Variants in PAQR5 observed in about 807,000 individuals in gnomAD.
The protein encoded by PAQR5 is progestin and adipoQ receptor family member 5.
In PAQR5, 20 loss-of-function variants were observed where a neutral mutation model predicts 34.5. The observed-to-expected ratio is 0.58, with a 90% CI of 0.41 to 0.84. The LOEUF is 0.84. PAQR5 is among the 40% of genes least tolerant of loss of function. PAQR5 has a pLI of 0.00. For synonymous variants in PAQR5, 131 were observed against 155.6 expected (o/e 0.84, Z 1.18); for missense variants, 378 against 412.7 (o/e 0.92, Z 0.73).
chr15:69,340,288 T>C (rs1040546503), intron 2 of PAQR5, among the ~76,000 whole-genome samples: 3 of 152,202 alleles, frequency 2.0e-5, no homozygotes, highest in Non-Finnish European at 2.9e-5. Context: ...TATAAACATA[T>C]GTAACAAACA....
intron 6 of PAQR5, among the ~76,000 whole-genome samples, chr15:69,394,215 A>G (rs1307638708): frequency 1.3e-3 from 3 of 2,234 alleles, no homozygotes; most frequent in African/African-American, 1.5e-3. Flanking sequence ...TGCTCTAAGG[A>G]CAGCTTAGAG....
At chr15:69,336,688 T>C (rs1450733938) in intron 1 of PAQR5, among the ~76,000 whole-genome samples, 13 of 152,224 alleles carry the variant, frequency 8.5e-5, no homozygotes, top group Admixed American at 8.5e-4. Flanking sequence ...TTCTGCTTAA[T>C]AACTCTGGAG....
intron 1 of PAQR5, among the ~76,000 whole-genome samples, chr15:69,308,594 C>T (rs1356588103): frequency 6.6e-6 from 1 of 152,070 alleles, no homozygotes; most frequent in Non-Finnish European, 1.5e-5. Flanking sequence ...CCAAACATTG[C>T]CAAATGTCCA....
intron 2 of PAQR5, among the ~76,000 whole-genome samples, chr15:69,343,353 T>G (rs1367206190): frequency 6.6e-6 from 1 of 152,242 alleles, no homozygotes; most frequent in Non-Finnish European, 1.5e-5. Context: ...CAGGTAACCC[T>G]GGACTTTCCC....
In PAQR5 at chr15:69,338,515, A is replaced by G. The variant is rs569073337; in HGVS notation, c.-116+1014A>G. ...GCCTTGGAAGCCAAGCCAGGCCTGCATGAGTACACTCAGACAGTTAGAAAG... is the reference window on the plus strand; with the variant it reads ...GCCTTGGAAGCCAAGCCAGGCCTGCGTGAGTACACTCAGACAGTTAGAAAG... On this transcript the variant is annotated intron_variant, in intron 2 of 8. Transcript: ENST00000395407. Among the ~76,000 whole-genome samples, 70 of 152,330 alleles carry G rather than the reference A, an allele frequency of 4.6e-4. No homozygotes were observed. In the South Asian group the frequency reaches 0.01, roughly 22 times the overall value.
At chr15:69,300,023 T>C (rs1440570810) in intron 1 of PAQR5, among the ~76,000 whole-genome samples, 4 of 152,224 alleles carry the variant, frequency 2.6e-5, no homozygotes, top group African/African-American at 9.6e-5. Flanking sequence ...CTGGAGAAAC[T>C]GGTGGGCTTT....
chr15:69,323,288 C>T (rs2054170695), intron 1 of PAQR5, among the ~76,000 whole-genome samples: 1 of 152,260 alleles, frequency 6.6e-6, no homozygotes, highest in South Asian at 2.1e-4. Flanking sequence ...CAGATGGCCT[C>T]TGCCATGCTC....
intron 7 of PAQR5, among the ~76,000 whole-genome samples, chr15:69,398,885 G>GA (rs2140257545): frequency 6.6e-6 from 1 of 152,330 alleles, no homozygotes; most frequent in South Asian, 2.1e-4. Context: ...GTTGATGCTG[G>GA]AATCAGCCTG....
chr15:69,380,030 A>C lies in PAQR5; in HGVS notation c.179+20A>C. 6.2e-7 allele frequency: 1 copy of C among 1,613,248 alleles called. No homozygotes were observed. Among genetic ancestry groups the C allele is most frequent in the Non-Finnish European group, 8.5e-7 (1 of 1,179,516 alleles). ...CTTCTGGTACCTTCTGGCCCCCTCG[A>C]CCGGCCTGTCTCCTTCAGGAGCCCT... On this transcript the variant is annotated intron_variant, in intron 4 of 8. Coordinates refer to ENST00000395407, the MANE Select transcript of PAQR5 (RefSeq NM_017705.4).
intron 5 of PAQR5, among the ~76,000 whole-genome samples, chr15:69,388,856 G>A (rs887656433): frequency 2.0e-5 from 3 of 152,220 alleles, no homozygotes; most frequent in African/African-American, 7.2e-5. Context: ...ATGGCCATCA[G>A]GCCTTGGGCT....
chr15:69,304,045 A>C (rs1349355029), intron 1 of PAQR5, among the ~76,000 whole-genome samples: 1 of 152,234 alleles, frequency 6.6e-6, no homozygotes, highest in Non-Finnish European at 1.5e-5. Context: ...TGGAAAAATT[A>C]GGGAGGAAGG....
At chr15:69,353,862 G>A (rs2054989594) in intron 2 of PAQR5, among the ~76,000 whole-genome samples, 1 of 152,190 alleles carries the variant, frequency 6.6e-6, no homozygotes, top group Admixed American at 6.5e-5. Context: ...ATTCCACTGA[G>A]CTGGAAGTTA....
intron 2 of PAQR5, among the ~76,000 whole-genome samples, chr15:69,346,197 T>C (rs2054764096): frequency 6.6e-6 from 1 of 151,774 alleles, no homozygotes; most frequent in African/African-American, 2.4e-5. Flanking sequence ...AAAAGACCAG[T>C]GAGTTCATTT....
In PAQR5 at chr15:69,322,811, G is replaced by GAAGAAGAA. The variant is rs1566998179; in HGVS notation, c.-276-14530_-276-14529insAAGAAGAA. ...ACGAGGAAGAAGAAGAAGAGGAAGA[G>GAAGAAGAA]GAAGAAGAAGAAGAAGAAGAAGAAG... On this transcript the variant is annotated intron_variant, in intron 1 of 8. Coordinates refer to ENST00000395407, the MANE Select transcript of PAQR5 (RefSeq NM_017705.4). Among the ~76,000 whole-genome samples, 2 of 25,332 alleles carry GAAGAAGAA rather than the reference G, an allele frequency of 7.9e-5. 1 individual carries two copies. The highest frequency in any genetic ancestry group is 1.9e-4 in the African/African-American group (2 of 10,794). 16.6% of individuals were successfully genotyped at this position (25,332 alleles called of 152,430 possible).
chr15:69,395,762 G>A (rs1044126015), intron 6 of PAQR5, among the ~76,000 whole-genome samples: 19 of 152,050 alleles, frequency 1.2e-4, no homozygotes, highest in African/African-American at 4.1e-4. Flanking sequence ...TCACCTCTCC[G>A]GGAGTTTGGT....
chr15:69,397,817 C>G, intron 7 of PAQR5: 1 of 551,838 alleles, frequency 1.8e-6, no homozygotes, highest in Non-Finnish European at 3.2e-6. Context: ...CTTCCTTTTT[C>G]TACATAGACA....
chr15:69,380,626 G>A (rs528137036), intron 4 of PAQR5, among the ~76,000 whole-genome samples: 29 of 152,278 alleles, frequency 1.9e-4, no homozygotes, highest in African/African-American at 7.0e-4. Context: ...AAGCGAAGAG[G>A]GGCCTTGCTG....
At chr15:69,332,603 CTGAGTT>C (rs2054407672) in intron 1 of PAQR5, among the ~76,000 whole-genome samples, 1 of 151,868 alleles carries the variant, frequency 6.6e-6, no homozygotes, top group African/African-American at 2.4e-5. Context: ...CAATGGCAGC[CTGAGTT>C]TTAGTCTTGG....
intron 1 of PAQR5, among the ~76,000 whole-genome samples, chr15:69,305,886 G>C (rs1390761445): frequency 6.6e-6 from 1 of 152,228 alleles, no homozygotes; most frequent in Non-Finnish European, 1.5e-5. Context: ...TTGGCAGGGG[G>C]AGGGGTTTGT....
Sources: allele counts gnomAD v4.1 joint callset (sites outside exome capture counted in the v4.1 genomes callset), GRCh38; gene constraint gnomAD v4.1.1; transcripts MANE v1.5; gene names NCBI Gene and HGNC (gene_info 2026-07-23, HGNC 2026-07-21).